ZFYVE19: variants seen among roughly 807,000 people sequenced by gnomAD.
ZFYVE19 encodes zinc finger FYVE-type containing 19, also known as abscission/NoCut checkpoint regulator.
A neutral mutation model predicts 62.8 loss-of-function variants in ZFYVE19; 49 were observed. The ratio of observed to expected loss-of-function variants is 0.78; its 90% confidence interval spans 0.62 to 0.99. ZFYVE19 has a LOEUF of 0.99. Among genes scored for constraint, ZFYVE19 ranks in the 50% least tolerant of loss-of-function variants. The probability of loss-of-function intolerance (pLI) is 0.00; values close to 1 mark genes in which losing one functional copy is unlikely to be tolerated. For synonymous variants in ZFYVE19, 242 were observed against 234.3 expected (o/e 1.03, Z -0.30); for missense variants, 630 against 601.9 (o/e 1.05, Z -0.49).
rs1566837206 is a variant in ZFYVE19, at chr15:40,809,967, C to T, written c.568C>T (p.Pro190Ser). The T allele has an allele frequency of 1.2e-6, 2 of 1,614,178 alleles. No individual in the cohort carries two copies. The highest frequency in any genetic ancestry group is 8.5e-7 in the Non-Finnish European group (1 of 1,180,014). Residue 190 changes from proline to serine, a missense_variant, in exon 4 of 11, where the codon CCC becomes TCC. By Grantham distance (74) the Pro-to-Ser change is moderately conservative. Coordinates refer to ENST00000355341, the MANE Select transcript of ZFYVE19 (RefSeq NM_001077268.2). ...RLARLRQENK[P>S]KLVPSQAEIE... ...AGCACGACTCCGCCAGGAGAACAAG[C>T]CCAGTGAGCAGGGGCAGATGGGGTT... is the stretch of plus-strand genomic sequence containing the variant.
At chr15:40,812,966 G>T in intron 7 of ZFYVE19, 64 bp downstream of exon 7, 1 of 1,567,276 alleles carries the variant, frequency 6.4e-7, no homozygotes, top group East Asian at 2.2e-5. Flanking sequence ...GCAGGGCTGA[G>T]TCAGGTGCTG....
chr15:40,812,336 A>G (rs879654579), intron 6 of ZFYVE19, among the ~76,000 whole-genome samples: 3 of 152,112 alleles, frequency 2.0e-5, no homozygotes, highest in Non-Finnish European at 4.4e-5. Flanking sequence ...TCACGAGGTC[A>G]GGAGTTGGAG....
chr15:40,810,853 C>G (rs1022410505), intron 6 of ZFYVE19, 96 bp downstream of exon 6: 2 of 1,451,966 alleles, frequency 1.4e-6, no homozygotes, highest in Non-Finnish European at 1.9e-6. Context: ...GAATATAAAT[C>G]GGAGAGTGAT....
At chr15:40,810,367 TG>T (rs949256936) in intron 5 of ZFYVE19, 151 bp downstream of exon 5, 94 of 1,357,232 alleles carry the variant, frequency 6.9e-5, no homozygotes, top group Admixed American at 2.4e-4. Context: ...CACCAACCTT[TG>T]TACTTTATGT....
At chr15:40,809,087 GA>G (rs1204538434) in intron 1 of ZFYVE19, 31 bp from the exon 2 acceptor site, 144 of 1,610,024 alleles carry the variant, frequency 8.9e-5, no homozygotes, top group Non-Finnish European at 1.2e-4. Context: ...GGGCGGGTGA[GA>G]GGGGGATCTC....
Position 40,814,338 on chromosome 15 carries a change from A to G in ZFYVE19, c.*112A>G. 8.2e-7 allele frequency: 1 copy of G among 1,215,752 alleles called. No individual in the cohort carries two copies. The highest frequency in any genetic ancestry group is 1.3e-5 in the South Asian group (1 of 76,328). 75.3% of individuals were successfully genotyped at this position (1,215,752 alleles called of 1,614,324 possible). A position where few individuals can be genotyped will look rare whatever the true frequency, so the allele number is the denominator to read the frequency against. On this transcript the variant is annotated 3_prime_UTR_variant, in exon 11 of 11. Coordinates refer to ENST00000355341, the MANE Select transcript of ZFYVE19 (RefSeq NM_001077268.2). ...TTGTCTGGCTCTACTGATGATGGAT[A>G]GGCCCCTTCCTGAGCCTTGGTGTCC...
chr15:40,808,325 G>A, intron 1 of ZFYVE19: 1 of 1,597,870 alleles, frequency 6.3e-7, no homozygotes, highest in East Asian at 2.2e-5. Context: ...CATGGTGAAG[G>A]CTGACTGTCC....
Position 40,807,810 on chromosome 15 carries a change from C to A in ZFYVE19, c.221C>A (p.Ala74Asp). 6.4e-7 allele frequency: 1 copy of A among 1,552,676 alleles called. No individual in the cohort carries two copies. Among genetic ancestry groups the A allele is most frequent in the South Asian group, 1.2e-5 (1 of 83,746 alleles). ...TCTGCAGACCCTGCGGTGCTGGGAG[C>A]CACCATGGAGAGTAGGTGCTACGGC... The part of the protein sequence containing the change: ...LSSADPAVLG[A>D]TMESRCYGCA... The change falls in exon 1 of 11, where the codon GCC becomes GAC. Residue 74 changes from alanine to aspartate, a missense_variant. Transcript: ENST00000355341.
rs780372966 is a variant in ZFYVE19 at position 40,812,923 on chromosome 15, G to T, written c.1030+21G>T. On this transcript the variant is annotated intron_variant, in intron 7 of 10. Coordinates refer to ENST00000355341, the MANE Select transcript of ZFYVE19 (RefSeq NM_001077268.2). Reference sequence around the variant, plus strand: ...GAGAGGTGAAGGCTGGGGAGCAGCTGCTCACTGGTATCCCTTGGTCAAGGC... The same window carrying T: ...GAGAGGTGAAGGCTGGGGAGCAGCTTCTCACTGGTATCCCTTGGTCAAGGC... 1.9e-6 allele frequency: 3 copies of T among 1,605,894 alleles called. No individual in the cohort carries two copies. In the East Asian group the frequency reaches 6.7e-5, roughly 36 times the overall value.
rs1470325810 is a variant in ZFYVE19 at position 40,810,765 on chromosome 15, C to T, written c.826+8C>T. On this transcript the variant is annotated splice_region_variant and intron_variant, in intron 6 of 10. Coordinates refer to ENST00000355341, the MANE Select transcript of ZFYVE19 (RefSeq NM_001077268.2). The stretch of plus-strand genomic sequence containing the variant: ...GGAAAGGAGGAGGCCCAGGTAACCC[C>T]TCCACTTGGCTCCCTAGGAATCTGC... The T allele has an allele frequency of 1.3e-6, 2 of 1,553,956 alleles. No individual in the cohort carries two copies. Among genetic ancestry groups the T allele is most frequent in the South Asian group, 2.4e-5 (2 of 84,144 alleles).
rs1015786110 is a variant in ZFYVE19, at chr15:40,807,816, T to G, written c.227T>G (p.Met76Arg). 5 of 1,547,414 alleles carry G rather than the reference T, an allele frequency of 3.2e-6. No individual in the cohort carries two copies. The highest frequency in any genetic ancestry group is 3.5e-6 in the Non-Finnish European group (4 of 1,153,544). Residue 76 changes from methionine to arginine, a missense_variant, in exon 1 of 11, where the codon ATG becomes AGG. Physicochemically the swap from Met to Arg is moderately conservative, Grantham distance 91 (BLOSUM62 -1). Coordinates refer to ENST00000355341, the MANE Select transcript of ZFYVE19 (RefSeq NM_001077268.2). Reference protein sequence around the residue: ...SADPAVLGATMESRCYGCAVK... With the variant: ...SADPAVLGATRESRCYGCAVK... ...GACCCTGCGGTGCTGGGAGCCACCA[T>G]GGAGAGTAGGTGCTACGGCTGCGCT...
At chr15:40,808,085 C>T (rs1890332013) in intron 1 of ZFYVE19, 2 of 885,734 alleles carry the variant, frequency 2.3e-6, no homozygotes, top group East Asian at 5.7e-5. Flanking sequence ...GGTGAGAGTT[C>T]CCTATAAACT....
chr15:40,810,121 G>C lies in ZFYVE19; in HGVS notation c.622G>C (p.Asp208His), dbSNP rs1452140950. 1 of 1,614,180 alleles carries C rather than the reference G, an allele frequency of 6.2e-7. No individual in the cohort carries two copies. The highest frequency in any genetic ancestry group is 8.5e-7 in the Non-Finnish European group (1 of 1,180,030). The change falls in exon 5 of 11, where the codon GAT becomes CAT. Residue 208 changes from aspartate to histidine, a missense_variant. Transcript: ENST00000355341. Reference sequence around the variant, plus strand: ...AGAGGCACGGCTGGCTGCCCTAAAGGATGAACGTCAGGGTTCCATCCCTTC... The same window carrying C: ...AGAGGCACGGCTGGCTGCCCTAAAGCATGAACGTCAGGGTTCCATCCCTTC... ...EIEARLAALK[D>H]ERQGSIPSTQ...
rs1322064963 is a variant in ZFYVE19 at position 40,815,059 on chromosome 15, A to G, written c.*833A>G. 6.6e-6 allele frequency: 1 copy of G among 152,244 alleles called. No homozygotes were observed. The highest frequency in any genetic ancestry group is 1.9e-4 in the East Asian group (1 of 5,182). 9.4% of individuals were successfully genotyped at this position (152,244 alleles called of 1,614,324 possible). A position where few individuals can be genotyped will look rare whatever the true frequency, so the allele number is the denominator to read the frequency against. On this transcript the variant is annotated 3_prime_UTR_variant, in exon 11 of 11. Transcript: ENST00000355341. ...TTCCTGCCCCTGGCTGGAACCAACTATAAAGAGCCCTCGGGCTGAGGTCTA... is the reference window on the plus strand; with the variant it reads ...TTCCTGCCCCTGGCTGGAACCAACTGTAAAGAGCCCTCGGGCTGAGGTCTA...
At chr15:40,813,262 G>A in intron 7 of ZFYVE19, 76 bp from the exon 8 acceptor site, 2 of 1,427,224 alleles carry the variant, frequency 1.4e-6, no homozygotes, top group Admixed American at 1.9e-5. Context: ...GTTCTGGGAG[G>A]CAGGAGGGCA....
At chr15:40,808,748 C>T in intron 1 of ZFYVE19, 1 of 304,498 alleles carries the variant, frequency 3.3e-6, no homozygotes, top group Non-Finnish European at 6.2e-6. Context: ...GCCAAGCCTC[C>T]CTCCATCTCT....
In ZFYVE19 at chr15:40,814,038, C is replaced by CGAT; in HGVS notation, c.1307_1309dup (p.Asp436dup). On this transcript the variant is annotated inframe_insertion, in exon 10 of 11. Coordinates refer to ENST00000355341, the MANE Select transcript of ZFYVE19 (RefSeq NM_001077268.2). The stretch of plus-strand genomic sequence containing the variant: ...ATGCCACCCTACGCTGCGCTGGCTG[C>CGAT]GATGGGGACCTCTTCTGTGCCCGCT... The CGAT allele has an allele frequency of 5.6e-6, 9 of 1,614,010 alleles. No homozygotes were observed. The highest frequency in any genetic ancestry group is 7.6e-6 in the Non-Finnish European group (9 of 1,179,916).
chr15:40,810,573 T>C (rs1890452800), intron 5 of ZFYVE19, 76 bp from the exon 6 acceptor site: 1 of 1,524,740 alleles, frequency 6.6e-7, no homozygotes, highest in Non-Finnish European at 8.8e-7. Context: ...CTTTGAGAAC[T>C]ACTTAGCATC....
Position 40,807,710 on chromosome 15 carries a change from G to GCGGGA in ZFYVE19, c.122_123insGGGAC (p.Arg48LysfsTer63), listed in dbSNP as rs2141971714. 1 of 1,602,548 alleles carries GCGGGA rather than the reference G, an allele frequency of 6.2e-7. No individual in the cohort carries two copies. ...AGTGCCAGTGGGCGTGTGGGGCGGG[G>GCGGGA]CAGGGCAGGGAAGGGAAGGGCGGAG... On this transcript the variant is annotated frameshift_variant, in exon 1 of 11. Transcript: ENST00000355341. LOFTEE classifies it high-confidence loss of function.
Sources: allele counts gnomAD v4.1 joint callset (sites outside exome capture counted in the v4.1 genomes callset), GRCh38; gene constraint gnomAD v4.1.1; transcripts MANE v1.5; gene names NCBI Gene and HGNC (gene_info 2026-07-23, HGNC 2026-07-21).